RNF185: variants seen among roughly 807,000 people sequenced by gnomAD.
RNF185 encodes E3 ubiquitin-protein ligase RNF185.
RNF185 carries 13 observed loss-of-function variants against 24.9 expected under a neutral mutation model. The observed-to-expected ratio is 0.52, with a 90% CI of 0.34 to 0.83. The LOEUF is 0.83. Ranked by LOEUF, RNF185 falls within the 40% of genes least tolerant of loss-of-function variation. The pLI is 0.01. For missense variants in RNF185, 184 were observed against 244.7 expected (o/e 0.75, Z 1.65); for synonymous variants, 79 against 90.3 (o/e 0.88, Z 0.71).
chr22:31,193,623 G>A (rs987981199), intron 3 of RNF185, among the ~76,000 whole-genome samples: 20 of 151,722 alleles, frequency 1.3e-4, no homozygotes, highest in African/African-American at 4.4e-4. Context: ...GCAAAACCCC[G>A]TCTCTACAAA....
chr22:31,204,541 C>T lies in RNF185; in HGVS notation c.534C>T (p.Phe178=). The change falls in exon 7 of 7, where the codon TTC becomes TTT. Residue 178 remains phenylalanine, a synonymous_variant. Transcript: ENST00000326132. ...YVDEQFLSRL[F]LFVALVIMFW... is the part of the protein sequence containing the mutation. ...ACGAGCAGTTCCTGTCACGCCTCTTCCTATTTGTGGCCCTGGTGATCATGT... is the reference window on the plus strand; with the variant it reads ...ACGAGCAGTTCCTGTCACGCCTCTTTCTATTTGTGGCCCTGGTGATCATGT... The T allele has an allele frequency of 4.4e-6, 7 of 1,608,846 alleles. No homozygotes were observed. The highest frequency in any genetic ancestry group is 1.1e-5 in the South Asian group (1 of 90,984).
At chr22:31,176,743 C>T (rs1210303932) in intron 1 of RNF185, among the ~76,000 whole-genome samples, 2 of 152,328 alleles carry the variant, frequency 1.3e-5, no homozygotes, top group East Asian at 1.9e-4. Flanking sequence ...CTGCCTCAGC[C>T]TCCCAAACTG....
chr22:31,192,877 C>T (rs1049874730), intron 3 of RNF185, among the ~76,000 whole-genome samples, 175 bp downstream of exon 3: 2 of 152,198 alleles, frequency 1.3e-5, no homozygotes, highest in South Asian at 4.1e-4. Flanking sequence ...TTGATGAAAT[C>T]GGGATGGTCC....
chr22:31,162,653 A>G (rs963896923), intron 1 of RNF185, among the ~76,000 whole-genome samples: 7 of 151,770 alleles, frequency 4.6e-5, no homozygotes, highest in African/African-American at 1.7e-4. Context: ...CACGTTAGCA[A>G]ATTCTGACCT....
intron 1 of RNF185, among the ~76,000 whole-genome samples, chr22:31,175,349 G>A (rs1336596139): frequency 6.6e-6 from 1 of 151,626 alleles, no homozygotes; most frequent in Non-Finnish European, 1.5e-5. Flanking sequence ...AGCTACTCAG[G>A]AGGCTGATGC....
intron 1 of RNF185, among the ~76,000 whole-genome samples, chr22:31,180,465 A>G (rs772157727): frequency 5.3e-5 from 8 of 151,942 alleles, no homozygotes; most frequent in Non-Finnish European, 1.2e-4. Context: ...ACTTGTCTCA[A>G]AAAAAAAGAA....
At chr22:31,176,535 C>CTGG (rs1271881227) in intron 1 of RNF185, among the ~76,000 whole-genome samples, 1 of 149,494 alleles carries the variant, frequency 6.7e-6, no homozygotes, top group East Asian at 2.0e-4. Flanking sequence ...GTCACCCAGG[C>CTGG]TGGAGTGTAG....
chr22:31,204,536 C>T lies in RNF185; in HGVS notation c.529C>T (p.Leu177Phe). Residue 177 changes from leucine (L) to phenylalanine (F), a missense_variant, in exon 7 of 7, where the codon CTC becomes TTC. Transcript: ENST00000326132. Reference sequence around the variant, plus strand: ...TGTGGACGAGCAGTTCCTGTCACGCCTCTTCCTATTTGTGGCCCTGGTGAT... The same window carrying T: ...TGTGGACGAGCAGTTCCTGTCACGCTTCTTCCTATTTGTGGCCCTGGTGAT... Reference protein sequence around the residue: ...QYVDEQFLSRLFLFVALVIMF... With the variant: ...QYVDEQFLSRFFLFVALVIMF... 1 of 1,610,524 alleles carries T rather than the reference C, an allele frequency of 6.2e-7. No homozygotes were observed. The highest frequency in any genetic ancestry group is 1.1e-5 in the South Asian group (1 of 91,006).
At chr22:31,180,523 CTT>C (rs11419917) in intron 1 of RNF185, among the ~76,000 whole-genome samples, 11 of 142,644 alleles carry the variant, frequency 7.7e-5, no homozygotes, top group East Asian at 2.0e-4. Context: ...TTGTTAAAGA[CTT>C]TTTTTTTTTT....
intron 5 of RNF185, 66 bp from the exon 6 acceptor site, chr22:31,201,432 A>G: frequency 8.8e-7 from 1 of 1,138,974 alleles, no homozygotes; most frequent in Non-Finnish European, 1.3e-6. Flanking sequence ...AGGTATGTTG[A>G]GTTTTGACAG....
chr22:31,201,956 CT>C (rs1568974324), intron 6 of RNF185, among the ~76,000 whole-genome samples: 1 of 152,124 alleles, frequency 6.6e-6, no homozygotes, highest in East Asian at 1.9e-4. Context: ...AAATGGAAAA[CT>C]GTAAGTGATA....
intron 1 of RNF185, among the ~76,000 whole-genome samples, chr22:31,183,656 A>T (rs2048062528): frequency 6.6e-6 from 1 of 152,130 alleles, no homozygotes; most frequent in East Asian, 1.9e-4. Context: ...AATCCATTTA[A>T]CCCTTAGTGG....
At chr22:31,193,120 C>G (rs934743390) in intron 3 of RNF185, among the ~76,000 whole-genome samples, 1 of 152,178 alleles carries the variant, frequency 6.6e-6, no homozygotes, top group Admixed American at 6.5e-5. Flanking sequence ...AGTCTATTTT[C>G]CTAGCTTTAG....
chr22:31,170,357 T>G (rs899874260), intron 1 of RNF185, among the ~76,000 whole-genome samples: 6 of 152,014 alleles, frequency 3.9e-5, no homozygotes, highest in African/African-American at 1.2e-4. Context: ...CCTGGCTAAT[T>G]TTTTTCGTAT....
chr22:31,197,438 T>C (rs568558506), intron 5 of RNF185, among the ~76,000 whole-genome samples: 1 of 152,338 alleles, frequency 6.6e-6, no homozygotes, highest in African/African-American at 2.4e-5. Context: ...ACTAGCTGTT[T>C]AGCATTTAGT....
At position 31,206,573 on chromosome 22, in the gene RNF185, A is replaced by G. The variant is rs1390675247; in HGVS notation, c.*1987A>G. On this transcript the variant is annotated 3_prime_UTR_variant, in exon 7 of 7. Transcript: ENST00000326132. Reference sequence around the variant, plus strand: ...AAAGTTGTGGGTAGGAAAATGAATCATTTGGACTCTTCAATGAAATGGAGT... The same window carrying G: ...AAAGTTGTGGGTAGGAAAATGAATCGTTTGGACTCTTCAATGAAATGGAGT... 6.6e-6 allele frequency: 1 copy of G among 152,224 alleles called. No homozygotes were observed. The highest frequency in any genetic ancestry group is 1.9e-4 in the East Asian group (1 of 5,194). 9.4% of individuals were successfully genotyped at this position (152,224 alleles called of 1,614,324 possible). A position where few individuals can be genotyped will look rare whatever the true frequency, so the allele number is the denominator to read the frequency against.
At chr22:31,200,361 AAAAAG>A (rs901526475) in intron 5 of RNF185, among the ~76,000 whole-genome samples, 5 of 152,208 alleles carry the variant, frequency 3.3e-5, no homozygotes, top group East Asian at 3.8e-4. Flanking sequence ...TGTCTCAAAA[AAAAAG>A]AAAAGAAAAA....
intron 5 of RNF185, among the ~76,000 whole-genome samples, chr22:31,197,449 T>C (rs2027982): frequency 0.5 from 75,914 of 152,048 alleles, 19,668 homozygotes; most frequent in Middle Eastern, 0.62. Flanking sequence ...AGCATTTAGT[T>C]GTGTGGATTT....
intron 4 of RNF185, 76 bp downstream of exon 4, chr22:31,195,657 C>T: frequency 1.1e-6 from 1 of 908,430 alleles, no homozygotes; most frequent in Non-Finnish European, 1.7e-6. Flanking sequence ...ATCCCCTAAC[C>T]CCACCCTTTA....
Sources: allele counts gnomAD v4.1 joint callset (sites outside exome capture counted in the v4.1 genomes callset), GRCh38; gene constraint gnomAD v4.1.1; transcripts MANE v1.5; gene names NCBI Gene and HGNC (gene_info 2026-07-23, HGNC 2026-07-21).